MMP2: variants seen among roughly 807,000 people sequenced by gnomAD.
MMP2 encodes the protein 72 kDa type IV collagenase.
A neutral mutation model predicts 74.8 loss-of-function variants in MMP2; 39 were observed. The ratio of observed to expected loss-of-function variants is 0.52; its 90% CI spans 0.40 to 0.68. The LOEUF is 0.68. MMP2 is among the 30% of genes least tolerant of loss of function. MMP2 has a pLI of 0.00. For synonymous variants in MMP2, 367 were observed against 339.8 expected (o/e 1.08, Z -0.88); for missense variants, 803 against 878.3 (o/e 0.91, Z 1.08).
At chr16:55,504,420 GTTA>G (rs1171767859) in intron 12 of MMP2, among the ~76,000 whole-genome samples, 1 of 152,122 alleles carries the variant, frequency 6.6e-6, no homozygotes, top group Admixed American at 6.5e-5. Context: ...GTTAAGTGGA[GTTA>G]TTGTTTTTAA....
chr16:55,480,254 C>G (rs2142340258), intron 1 of MMP2, among the ~76,000 whole-genome samples: 1 of 152,184 alleles, frequency 6.6e-6, no homozygotes, highest in East Asian at 1.9e-4. Context: ...CTCGAGGGGG[C>G]CATTTGGGAA....
intron 6 of MMP2, 74 bp downstream of exon 6, chr16:55,488,790 C>A: frequency 4.1e-6 from 6 of 1,465,436 alleles, no homozygotes; most frequent in Non-Finnish European, 5.5e-6. Flanking sequence ...CATAAGACTC[C>A]GAGTGCCCAC....
intron 10 of MMP2, among the ~76,000 whole-genome samples, chr16:55,497,836 T>C (rs540479845): frequency 6.6e-5 from 10 of 152,276 alleles, no homozygotes; most frequent in Admixed American, 5.9e-4. Flanking sequence ...AAGAAGGATT[T>C]AGGAGGTCCC....
intron 3 of MMP2, 68 bp from the exon 4 acceptor site, chr16:55,485,231 A>G (rs970573310): frequency 1.9e-6 from 3 of 1,598,354 alleles, no homozygotes; most frequent in Non-Finnish European, 2.6e-6. Context: ...CCACATGTAG[A>G]TGGGGTGTGG....
chr16:55,483,011 A>T lies in MMP2; in HGVS notation c.256A>T (p.Thr86Ser), dbSNP rs1962144769. 2 of 1,614,218 alleles carry T rather than the reference A, an allele frequency of 1.2e-6. No homozygotes were observed. Among genetic ancestry groups the T allele is most frequent in the Non-Finnish European group, 1.7e-6 (2 of 1,180,036 alleles). ...KMQKFFGLPQ[T>S]GDLDQNTIET... is the part of the protein sequence containing the mutation. Reference sequence around the variant, plus strand: ...GCAGAAGTTCTTTGGACTGCCCCAGACAGGTGATCTTGACCAGAATACCAT... The same window carrying T: ...GCAGAAGTTCTTTGGACTGCCCCAGTCAGGTGATCTTGACCAGAATACCAT... The change falls in exon 2 of 13, where the codon ACA (threonine) becomes TCA (serine). Residue 86 changes from threonine to serine, a missense_variant. Around this residue, in one of 3 missense-constraint regions of MMP2, gnomAD observed 223 missense variants for 232.8 expected, o/e 0.96. Transcript: ENST00000219070.
intron 6 of MMP2, chr16:55,488,925 T>A (rs1962330572): frequency 4.8e-6 from 3 of 626,512 alleles, no homozygotes; most frequent in Non-Finnish European, 8.5e-6. Flanking sequence ...AGAACAGACA[T>A]TGGGCATCAA....
chr16:55,505,629 G>T lies in MMP2; in HGVS notation c.*187G>T, dbSNP rs1452227533. On this transcript the variant is annotated 3_prime_UTR_variant, in exon 13 of 13. Transcript: ENST00000219070. ...CTCCTCCCGGTGCCCAAGAATAGATGCTGACTGTACTCCTCCCAGGCGCCC... is the reference window on the plus strand; with the variant it reads ...CTCCTCCCGGTGCCCAAGAATAGATTCTGACTGTACTCCTCCCAGGCGCCC... The T allele has an allele frequency of 3.1e-6, 2 of 639,424 alleles. No individual in the cohort carries two copies. Among genetic ancestry groups the T allele is most frequent in the African/African-American group, 3.6e-5 (2 of 55,140 alleles). 39.6% of individuals were successfully genotyped at this position (639,424 alleles called of 1,614,324 possible). A position where few individuals can be genotyped will look rare whatever the true frequency, so the allele number is the denominator to read the frequency against.
intron 10 of MMP2, among the ~76,000 whole-genome samples, chr16:55,497,936 C>T (rs1962570523): frequency 6.6e-6 from 1 of 152,228 alleles, no homozygotes; most frequent in Admixed American, 6.5e-5. Flanking sequence ...CCCCAATCCA[C>T]CGTAATCATG....
intron 5 of MMP2, 128 bp downstream of exon 5, chr16:55,485,905 A>T: frequency 4.3e-6 from 4 of 935,124 alleles, no homozygotes; most frequent in Non-Finnish European, 5.0e-6. Flanking sequence ...CATCCCTCCA[A>T]CGTCCTTCAC....
Position 55,505,540 on chromosome 16 carries a change from C to A in MMP2, c.*98C>A, listed in dbSNP as rs1270603884. On this transcript the variant is annotated 3_prime_UTR_variant, in exon 13 of 13. Coordinates refer to ENST00000219070, the MANE Select transcript of MMP2 (RefSeq NM_004530.6). ...ACCCGGAGGGGCCTGGCAGCCGTGC[C>A]TTCAGCTCTACAGCTAATCAGCATT... 2 of 992,914 alleles carry A rather than the reference C, an allele frequency of 2.0e-6. No homozygotes were observed. The highest frequency in any genetic ancestry group is 1.7e-5 in the Admixed American group (1 of 57,222). The allele number at this position is 992,914 out of a possible 1,614,324, so 61.5% of individuals were successfully genotyped here. A position where few individuals can be genotyped will look rare whatever the true frequency, so the allele number is the denominator to read the frequency against.
Position 55,493,046 on chromosome 16 carries a change from GA to G in MMP2, c.1337-110del. On this transcript the variant is annotated intron_variant, in intron 8 of 12. Coordinates refer to ENST00000219070, the MANE Select transcript of MMP2 (RefSeq NM_004530.6). ...CCTTACGGAGCTTACACTAAGGCCA[GA>G]AGGCGATTTCTTCTGACTCTTAGAT... The G allele has an allele frequency of 2.9e-6, 4 of 1,356,998 alleles. No individual in the cohort carries two copies. The South Asian group carries it at 4.9e-5, about 17-fold the overall frequency. 84.1% of individuals were successfully genotyped at this position (1,356,998 alleles called of 1,614,324 possible).
chr16:55,483,507 A>C (rs1304306168), intron 2 of MMP2, among the ~76,000 whole-genome samples: 1 of 152,162 alleles, frequency 6.6e-6, no homozygotes, highest in Non-Finnish European at 1.5e-5. Flanking sequence ...TATTGTTTTT[A>C]GATGAGGTCA....
Position 55,498,393 on chromosome 16 carries a change from T to C in MMP2, c.1714T>C (p.Phe572Leu), listed in dbSNP as rs1962583760. The change falls in exon 11 of 13, where the codon TTT (phenylalanine) becomes CTT (leucine). Residue 572 changes from phenylalanine to leucine, a missense_variant. Coordinates refer to ENST00000219070, the MANE Select transcript of MMP2 (RefSeq NM_004530.6). ...TGATGTCCAGCGAGTGGATGCCGCCTTTAACTGGAGCAAAAACAAGAAGAC... is the reference window on the plus strand; with the variant it reads ...TGATGTCCAGCGAGTGGATGCCGCCCTTAACTGGAGCAAAAACAAGAAGAC... The part of the protein sequence containing the change: ...PPDVQRVDAA[F>L]NWSKNKKTYI... The C allele has an allele frequency of 8.7e-6, 14 of 1,614,234 alleles. No individual in the cohort carries two copies. The highest frequency in any genetic ancestry group is 1.1e-5 in the Non-Finnish European group (13 of 1,180,054).
chr16:55,491,534 A>G (rs1372801300), intron 7 of MMP2, among the ~76,000 whole-genome samples: 1 of 152,124 alleles, frequency 6.6e-6, no homozygotes, highest in African/African-American at 2.4e-5. Context: ...CTGTTCCTTT[A>G]TAGCACACCT....
chr16:55,501,835 T>C (rs1962675205), intron 11 of MMP2, among the ~76,000 whole-genome samples: 1 of 152,092 alleles, frequency 6.6e-6, no homozygotes, highest in African/African-American at 2.4e-5. Flanking sequence ...CAGATTCATC[T>C]AGAAACAGCT....
intron 5 of MMP2, 72 bp from the exon 6 acceptor site, chr16:55,488,471 G>T: frequency 6.8e-7 from 1 of 1,476,024 alleles, no homozygotes; most frequent in Non-Finnish European, 9.3e-7. Context: ...ACCGGCAGGT[G>T]GGCAGCCAGC....
rs954022210 is a variant in MMP2 at position 55,479,338 on chromosome 16, C to T, written c.-142C>T. 3.0e-5 allele frequency: 31 copies of T among 1,033,972 alleles called. 1 individual carries two copies. Among genetic ancestry groups the T allele is most frequent in the Non-Finnish European group, 3.5e-5 (28 of 798,490 alleles). The allele number at this position is 1,033,972 out of a possible 1,614,324, so 64.0% of individuals were successfully genotyped here. Reference sequence around the variant, plus strand: ...GGGGCCGGACCATGAGCCGCTGAGCCGGGCAAACCCCAGGCCACCGAGCCA... The same window carrying T: ...GGGGCCGGACCATGAGCCGCTGAGCTGGGCAAACCCCAGGCCACCGAGCCA... On this transcript the variant is annotated 5_prime_UTR_variant, in exon 1 of 13. Transcript: ENST00000219070.
Position 55,479,384 on chromosome 16 carries a change from C to A in MMP2, c.-96C>A. 7.5e-7 allele frequency: 1 copy of A among 1,331,564 alleles called. No individual in the cohort carries two copies. The highest frequency in any genetic ancestry group is 9.6e-7 in the Non-Finnish European group (1 of 1,038,986). The allele number at this position is 1,331,564 out of a possible 1,614,324, so 82.5% of individuals were successfully genotyped here. On this transcript the variant is annotated 5_prime_UTR_variant, in exon 1 of 13. Transcript: ENST00000219070. ...AGCCAGCGGACCCTCGGAGCGCAGCCCTGCGCCGCGGAGCAGGCTCCAACC... is the reference window on the plus strand; with the variant it reads ...AGCCAGCGGACCCTCGGAGCGCAGCACTGCGCCGCGGAGCAGGCTCCAACC...
intron 12 of MMP2, among the ~76,000 whole-genome samples, chr16:55,504,230 G>A (rs990906746): frequency 1.3e-5 from 2 of 152,166 alleles, no homozygotes; most frequent in African/African-American, 4.8e-5. Context: ...AAGGAAGCCA[G>A]AAATCTGTAC....
Sources: allele counts gnomAD v4.1 joint callset (sites outside exome capture counted in the v4.1 genomes callset), GRCh38; gene constraint gnomAD v4.1.1; regional missense constraint gnomAD v4.1.1; transcripts MANE v1.5; gene names NCBI Gene and HGNC (gene_info 2026-07-23, HGNC 2026-07-21).